Variants in SLC22A9 observed in about 807,000 individuals in gnomAD.
SLC22A9 encodes solute carrier family 22 member 9, also known as organic anion transporter 7.
Under a neutral mutation model 50.1 loss-of-function variants are expected in SLC22A9, and 64 were observed. The ratio of observed to expected loss-of-function variants is 1.28; its 90% CI spans 1.04 to 1.57. SLC22A9 has a LOEUF of 1.57. Ranked by LOEUF, SLC22A9 falls within the 40% of genes most tolerant of loss-of-function variation. The pLI is 0.00. For synonymous variants in SLC22A9, 261 were observed against 242.5 expected (o/e 1.08, Z -0.71); for missense variants, 757 against 676.1 (o/e 1.12, Z -1.33).
In SLC22A9 at chr11:63,377,066, C is replaced by G. The variant is rs529826898; in HGVS notation, c.954+1298C>G. Among the ~76,000 whole-genome samples the G allele has an allele frequency of 2.5e-3, 384 of 152,172 alleles. 1 individual carries two copies. Among genetic ancestry groups the G allele is most frequent in the Non-Finnish European group, 4.6e-3 (310 of 67,978 alleles). On this transcript the variant is annotated intron_variant, in intron 5 of 9. Coordinates refer to ENST00000279178, the MANE Select transcript of SLC22A9 (RefSeq NM_080866.3). Reference sequence around the variant, plus strand: ...CATACAACGAGTTCTTAGAAATCTACAAAGAGACTTAGATAAATCATACAA... The same window carrying G: ...CATACAACGAGTTCTTAGAAATCTAGAAAGAGACTTAGATAAATCATACAA...
rs1314986987 is a variant in SLC22A9, at chr11:63,370,211, A to G, written c.155A>G (p.His52Arg). The G allele has an allele frequency of 2.5e-6, 4 of 1,614,056 alleles. No homozygotes were observed. The highest frequency in any genetic ancestry group is 3.4e-6 in the Non-Finnish European group (4 of 1,179,932). Residue 52 changes from histidine to arginine, a missense_variant, in exon 1 of 10, where the codon CAC becomes CGC. His to Arg is a conservative substitution (Grantham distance 29). Transcript: ENST00000279178. ...AFIPGHRCWV[H>R]ILDNDTVSDN... ...ATACCTGGCCATCGCTGCTGGGTCC[A>G]CATCCTGGACAATGACACTGTCTCT...
intron 6 of SLC22A9, among the ~76,000 whole-genome samples, chr11:63,385,063 A>AT (rs36181755): frequency 0.66 from 95,982 of 144,370 alleles, 32,084 homozygotes; most frequent in African/African-American, 0.74. Context: ...GGATGCAAAA[A>AT]TTTTTCCCAC....
At chr11:63,408,089 C>T (rs763775869) in intron 7 of SLC22A9, 23 bp from the exon 8 acceptor site, 4 of 1,592,542 alleles carry the variant, frequency 2.5e-6, no homozygotes, top group Admixed American at 3.4e-5. Context: ...TTTCCTGAGG[C>T]CTTGTGTTCT....
chr11:63,373,189 A>G (rs1401316429), intron 2 of SLC22A9, among the ~76,000 whole-genome samples: 1 of 107,034 alleles, frequency 9.3e-6, no homozygotes, highest in East Asian at 2.6e-4. Context: ...GTATTGTTCT[A>G]TGGATGTTCC....
At chr11:63,386,044 G>C (rs943511470) in intron 6 of SLC22A9, among the ~76,000 whole-genome samples, 4 of 152,128 alleles carry the variant, frequency 2.6e-5, no homozygotes, top group Non-Finnish European at 4.4e-5. Flanking sequence ...TGTCTATTGA[G>C]ATAATCATGT....
intron 2 of SLC22A9, 93 bp from the exon 3 acceptor site, chr11:63,373,551 A>G: frequency 7.8e-7 from 1 of 1,282,640 alleles, no homozygotes; most frequent in Admixed American, 3.2e-5. Context: ...CACTTGTTAA[A>G]CATCTTTTAA....
chr11:63,379,329 A>T (rs1024822894), intron 5 of SLC22A9, among the ~76,000 whole-genome samples: 3 of 152,208 alleles, frequency 2.0e-5, no homozygotes, highest in Non-Finnish European at 4.4e-5. Flanking sequence ...GAAGATTGAA[A>T]CTGAACCCCT....
chr11:63,408,978 G>A lies in SLC22A9; in HGVS notation c.1601+99G>A, dbSNP rs116515184. 975 of 1,308,352 alleles carry A rather than the reference G, an allele frequency of 7.5e-4. 7 individuals carry two copies. The African/African-American group carries it at 0.013, about 17-fold the overall frequency. 81.0% of individuals were successfully genotyped at this position (1,308,352 alleles called of 1,614,324 possible). ...TTTAGGGCCACTGTCCTCTCAAAAG[G>A]CTTAGACTTAGGATTTTCCCATGTA... On this transcript the variant is annotated intron_variant, in intron 9 of 9. Transcript: ENST00000279178.
rs891228862 is a variant in SLC22A9 at position 63,369,962 on chromosome 11, T to G, written c.-95T>G. Reference sequence around the variant, plus strand: ...GAGTGGGGTCAGGATCAAAACACATTTAGTGTGACTTAGGGAAAGAAAACA... The same window carrying G: ...GAGTGGGGTCAGGATCAAAACACATGTAGTGTGACTTAGGGAAAGAAAACA... On this transcript the variant is annotated 5_prime_UTR_variant, in exon 1 of 10. The change creates a new upstream start codon in the 5' untranslated region. Coordinates refer to ENST00000279178, the MANE Select transcript of SLC22A9 (RefSeq NM_080866.3). 7 of 1,260,742 alleles carry G rather than the reference T, an allele frequency of 5.6e-6. No individual in the cohort carries two copies. Among genetic ancestry groups the G allele is most frequent in the Non-Finnish European group, 6.6e-6 (6 of 909,886 alleles). The allele number at this position is 1,260,742 out of a possible 1,614,324, so 78.1% of individuals were successfully genotyped here. A position where few individuals can be genotyped will look rare whatever the true frequency, so the allele number is the denominator to read the frequency against.
intron 6 of SLC22A9, among the ~76,000 whole-genome samples, chr11:63,391,898 T>C (rs2014770365): frequency 1.3e-5 from 2 of 152,064 alleles, no homozygotes; most frequent in Non-Finnish European, 2.9e-5. Flanking sequence ...CTCTCCTTCC[T>C]TCCTGTATTC....
chr11:63,380,481 A>C (rs1179482467), intron 5 of SLC22A9, among the ~76,000 whole-genome samples: 1 of 152,222 alleles, frequency 6.6e-6, no homozygotes, highest in Non-Finnish European at 1.5e-5. Context: ...TGTAATGCAT[A>C]TACACCATGG....
At chr11:63,373,337 T>C (rs2014398842) in intron 2 of SLC22A9, among the ~76,000 whole-genome samples, 1 of 152,138 alleles carries the variant, frequency 6.6e-6, no homozygotes, top group East Asian at 1.9e-4. Context: ...TAGTACGCTG[T>C]GTGTTAGTAC....
Position 63,382,994 on chromosome 11 carries a change from G to A in SLC22A9, c.1073+717G>A, listed in dbSNP as rs558214856. ...CCCTCATAGAAAAGGAAGGAGTGGA[G>A]CAATACACATCTGGGCCTTTTGACA... On this transcript the variant is annotated intron_variant, in intron 6 of 9. Coordinates refer to ENST00000279178, the MANE Select transcript of SLC22A9 (RefSeq NM_080866.3). Among the ~76,000 whole-genome samples the A allele has an allele frequency of 2.0e-3, 308 of 152,272 alleles. 2 individuals are homozygous for A. The Middle Eastern group carries it at 0.037, about 18-fold the overall frequency.
Position 63,375,641 on chromosome 11 carries a change from T to C in SLC22A9, c.831-4T>C, listed in dbSNP as rs1276259599. ...ACTGCCCCTCTGTTCTCTTCCTTGGTCAGTTGGCTGCTAGAGTCTGCTCGG... is the reference window on the plus strand; with the variant it reads ...ACTGCCCCTCTGTTCTCTTCCTTGGCCAGTTGGCTGCTAGAGTCTGCTCGG... On this transcript the variant is annotated splice_region_variant and splice_polypyrimidine_tract_variant and intron_variant, in intron 4 of 9. Transcript: ENST00000279178. 2.5e-6 allele frequency: 4 copies of C among 1,611,538 alleles called. No homozygotes were observed. Among genetic ancestry groups the C allele is most frequent in the Non-Finnish European group, 3.4e-6 (4 of 1,178,524 alleles).
At chr11:63,394,712 T>C (rs2014821516) in intron 6 of SLC22A9, among the ~76,000 whole-genome samples, 1 of 152,184 alleles carries the variant, frequency 6.6e-6, no homozygotes, top group African/African-American at 2.4e-5. Context: ...TAGGCGATTA[T>C]CTATTTGAGA....
At chr11:63,391,330 G>C (rs1282911462) in intron 6 of SLC22A9, among the ~76,000 whole-genome samples, 1 of 152,032 alleles carries the variant, frequency 6.6e-6, no homozygotes, top group Non-Finnish European at 1.5e-5. Flanking sequence ...TATCTATTAG[G>C]TCGATTTGTT....
chr11:63,388,681 GC>G (rs2014710075), intron 6 of SLC22A9, among the ~76,000 whole-genome samples: 1 of 151,386 alleles, frequency 6.6e-6, no homozygotes, highest in African/African-American at 2.4e-5. Flanking sequence ...GGTAATTTTA[GC>G]CTCATAGAAT....
rs2119850641 is a variant in SLC22A9 at position 63,370,536 on chromosome 11, C to T, written c.402+78C>T. The T allele has an allele frequency of 4.7e-6, 7 of 1,474,408 alleles. No homozygotes were observed. In the East Asian group the frequency reaches 1.4e-4, roughly 29 times the overall value. 91.3% of individuals were successfully genotyped at this position (1,474,408 alleles called of 1,614,324 possible). Reference sequence around the variant, plus strand: ...ACACAAGTAATAATCATGCTTCCAGCCTTCAGTCACATGTAGGTCCTTAGT... The same window carrying T: ...ACACAAGTAATAATCATGCTTCCAGTCTTCAGTCACATGTAGGTCCTTAGT... On this transcript the variant is annotated intron_variant, in intron 1 of 9. Coordinates refer to ENST00000279178, the MANE Select transcript of SLC22A9 (RefSeq NM_080866.3).
rs192219452 is a variant in SLC22A9, at chr11:63,409,838, G to A, written c.1638G>A (p.Pro546=). 2.2e-5 allele frequency: 36 copies of A among 1,613,636 alleles called. No individual in the cohort carries two copies. Among genetic ancestry groups the A allele is most frequent in the East Asian group, 8.9e-5 (4 of 44,812 alleles). The part of the protein sequence containing the change: ...KDPREPKQED[P]RVEVTQF ...CCAGAGAACCAAAGCAAGAGGATCC[G>A]AGAGTGGAAGTGACGCAGTTTTAAG... is the stretch of plus-strand genomic sequence containing the variant. The change falls in exon 10 of 10, where the codon CCG becomes CCA. Residue 546 remains proline, a synonymous_variant. Transcript: ENST00000279178.
Sources: allele counts gnomAD v4.1 joint callset (sites outside exome capture counted in the v4.1 genomes callset), GRCh38; gene constraint gnomAD v4.1.1; transcripts MANE v1.5; gene names NCBI Gene and HGNC (gene_info 2026-07-23, HGNC 2026-07-21).